The following CLVS1 variants were observed in gnomAD, a reference collection of about 807,000 sequenced individuals.
CLVS1 encodes clavesin-1.
CLVS1 carries 10 observed loss-of-function variants against 33.1 expected under a neutral mutation model. The ratio of observed to expected loss-of-function variants is 0.30; its 90% confidence interval spans 0.19 to 0.51. The LOEUF (loss-of-function observed/expected upper bound fraction) is 0.51, where lower values mean the gene tolerates loss of function less well. Ranked by LOEUF, CLVS1 falls within the 20% of genes least tolerant of loss-of-function variation. The probability of loss-of-function intolerance (pLI) is 0.97; values close to 1 mark genes in which losing one functional copy is unlikely to be tolerated. For synonymous variants in CLVS1, 163 were observed against 166.1 expected (o/e 0.98, Z 0.14); for missense variants, 343 against 433.4 (o/e 0.79, Z 1.85).
At chr8:61,202,111 T>A (rs1362578454) in intron 2 of CLVS1, among the ~76,000 whole-genome samples, 1 of 152,208 alleles carries the variant, frequency 6.6e-6, no homozygotes, top group Admixed American at 6.5e-5. Context: ...CACCTTTAAA[T>A]AAGGAAGAGG....
intron 1 of CLVS1, among the ~76,000 whole-genome samples, chr8:61,100,417 A>G (rs541480800): frequency 6.6e-6 from 1 of 152,318 alleles, no homozygotes; most frequent in East Asian, 1.9e-4. Context: ...ATGCCCAGAC[A>G]TTTTTTGGAT....
At chr8:61,234,281 C>T (rs1738310544) in intron 2 of CLVS1, among the ~76,000 whole-genome samples, 1 of 152,160 alleles carries the variant, frequency 6.6e-6, no homozygotes, top group African/African-American at 2.4e-5. Context: ...GTGAGAGAAA[C>T]AGCCTGGTTC....
At chr8:61,277,532 G>C (rs1340905051) in intron 2 of CLVS1, among the ~76,000 whole-genome samples, 1 of 152,166 alleles carries the variant, frequency 6.6e-6, no homozygotes, top group Non-Finnish European at 1.5e-5. Context: ...GGGAGGCTCT[G>C]TCTTTACTCT....
the CLVS1 span, among the ~76,000 whole-genome samples, chr8:61,002,650 G>T: frequency 1.1e-4 from 16 of 152,130 alleles, no homozygotes; most frequent in Non-Finnish European, 2.9e-5. Context: ...TTTAATCCAA[G>T]ATGCTCATTT....
chr8:61,288,735 CTG>C (rs1809868404), intron 1 of CLVS1, among the ~76,000 whole-genome samples: 1 of 152,226 alleles, frequency 6.6e-6, no homozygotes, highest in African/African-American at 2.4e-5. Flanking sequence ...TAAGCTCAAC[CTG>C]TGTTTCTGGT....
intron 2 of CLVS1, among the ~76,000 whole-genome samples, chr8:61,232,041 T>TTTTTTTTTTTTTGTTTTTTTTTTTTTG: frequency 8.6e-6 from 1 of 116,004 alleles, no homozygotes; most frequent in South Asian, 2.8e-4. Context: ...TTTTTTTTTT[T>TTTTTTTTTTTTTGTTTTTTTTTTTTTG]TTTTTTTTTG....
At chr8:61,199,844 C>T (rs994436306) in intron 2 of CLVS1, among the ~76,000 whole-genome samples, 2 of 152,152 alleles carry the variant, frequency 1.3e-5, no homozygotes, top group African/African-American at 2.4e-5. Context: ...CTAAGTCTTC[C>T]CCCTCATATT....
chr8:61,420,122 A>G lies in CLVS1; in HGVS notation c.631-34019A>G, dbSNP rs557535034. Among the ~76,000 whole-genome samples, 4 of 152,250 alleles carry G rather than the reference A, an allele frequency of 2.6e-5. No homozygotes were observed. In the East Asian group the frequency reaches 7.7e-4, roughly 29 times the overall value. On this transcript the variant is annotated intron_variant, in intron 3 of 5. Coordinates refer to ENST00000325897, the MANE Select transcript of CLVS1 (RefSeq NM_173519.3). ...TTCCTGAGTCAGACTGCCTGCATTC[A>G]AATTCTGACTCCAAAGTTTGTAGGT...
intron 3 of CLVS1, among the ~76,000 whole-genome samples, chr8:61,447,711 C>A (rs1407576753): frequency 6.6e-6 from 1 of 152,032 alleles, no homozygotes. Flanking sequence ...CCCCTACATA[C>A]ATCTTTGAAC....
At chr8:61,047,698 A>G in the CLVS1 span, among the ~76,000 whole-genome samples, 1 of 152,308 alleles carries the variant, frequency 6.6e-6, no homozygotes, top group South Asian at 2.1e-4. Context: ...AAGGACAAAA[A>G]ACCAAACACC....
intron 2 of CLVS1, among the ~76,000 whole-genome samples, chr8:61,162,392 A>G (rs541167791): frequency 6.6e-6 from 1 of 152,336 alleles, no homozygotes; most frequent in East Asian, 1.9e-4. Context: ...TCTTGGCCTC[A>G]TAGATTTGGC....
intron 2 of CLVS1, among the ~76,000 whole-genome samples, chr8:61,309,883 T>C (rs1810774798): frequency 6.6e-6 from 1 of 152,210 alleles, no homozygotes; most frequent in Non-Finnish European, 1.5e-5. Context: ...AGCCCACTGA[T>C]TGAGGTTTGC....
chr8:61,008,157 A>T, the CLVS1 span, among the ~76,000 whole-genome samples: 5 of 152,240 alleles, frequency 3.3e-5, no homozygotes, highest in Non-Finnish European at 7.3e-5. Context: ...TCATCTACTC[A>T]AACACAGTCA....
At chr8:61,384,065 C>T (rs1813988992) in intron 3 of CLVS1, among the ~76,000 whole-genome samples, 1 of 152,208 alleles carries the variant, frequency 6.6e-6, no homozygotes, top group Non-Finnish European at 1.5e-5. Context: ...AAGGCCAGGC[C>T]TCAGCTGATA....
In CLVS1 at chr8:61,339,933, T is replaced by C. The variant is rs1289965900; in HGVS notation, c.456-36672T>C. Among the ~76,000 whole-genome samples the C allele has an allele frequency of 4.5e-5, 5 of 109,950 alleles. No homozygotes were observed. In the Admixed American group the frequency reaches 5.0e-4, roughly 11 times the overall value. The allele number at this position is 109,950 out of a possible 152,430, so 72.1% of individuals were successfully genotyped here. On this transcript the variant is annotated intron_variant, in intron 2 of 5. Coordinates refer to ENST00000325897, the MANE Select transcript of CLVS1 (RefSeq NM_173519.3). ...GGAAAGAAAGAGAGTGAAAGAAAGA[T>C]AAAAGAAAGAGAGGGGTAAAGGGAG...
intron 2 of CLVS1, among the ~76,000 whole-genome samples, chr8:61,337,735 C>G (rs1811857632): frequency 6.6e-6 from 1 of 152,120 alleles, no homozygotes; most frequent in South Asian, 2.1e-4. Context: ...AAACTGAACA[C>G]CAGAATCATG....
rs193147482 is a variant in CLVS1, at chr8:61,314,240, C to T, written c.455+13958C>T. 4.0e-5 allele frequency among the ~76,000 whole-genome samples: 6 copies of T among 149,926 alleles called. No individual in the cohort carries two copies. In the East Asian group the frequency reaches 1.2e-3, roughly 30 times the overall value. ...GATTCTGGTGAATCTCATGATTTTC[C>T]GAGGAGTTAGTCCGTCCTATAATTT... On this transcript the variant is annotated intron_variant, in intron 2 of 5. Coordinates refer to ENST00000325897, the MANE Select transcript of CLVS1 (RefSeq NM_173519.3).
intron 5 of CLVS1, among the ~76,000 whole-genome samples, chr8:61,489,162 G>C (rs1034242626): frequency 6.6e-6 from 1 of 151,928 alleles, no homozygotes; most frequent in East Asian, 1.9e-4. Flanking sequence ...TTCATTTGCT[G>C]CGCCTAAAAC....
intron 2 of CLVS1, among the ~76,000 whole-genome samples, chr8:61,234,257 G>A (rs1371674890): frequency 1.3e-5 from 2 of 152,174 alleles, no homozygotes; most frequent in East Asian, 1.9e-4. Context: ...TGGACTGTGT[G>A]CGTGCGTATT....
Sources: gnomAD v4.1 joint callset for allele counts (sites outside exome capture counted in the v4.1 genomes callset) on GRCh38, gnomAD v4.1.1 for gene constraint, MANE v1.5 for transcripts, NCBI Gene and HGNC (gene_info 2026-07-23, HGNC 2026-07-21) for gene names.